Variants in PCDHGA6 observed in about 807,000 individuals in gnomAD.
PCDHGA6 encodes protocadherin gamma subfamily A, 6, also known as protocadherin gamma-A6.
In PCDHGA6, 41 loss-of-function variants were observed where a neutral mutation model predicts 60.6. The ratio of observed to expected loss-of-function variants is 0.68; its 90% confidence interval spans 0.53 to 0.88. The LOEUF is 0.88. Among genes scored for constraint, PCDHGA6 ranks in the 40% least tolerant of loss-of-function variants. PCDHGA6 has a pLI of 0.00. For missense variants in PCDHGA6, 1,312 were observed against 1,203.0 expected, an observed-to-expected ratio of 1.09 and a Z score of -1.34; for synonymous variants, 594 against 524.4, an observed-to-expected ratio of 1.13 and a Z score of -1.81.
At chr5:141,478,189 C>T (rs774322691) in intron 1 of PCDHGA6, 1 of 1,614,020 alleles carries the variant, frequency 6.2e-7, no homozygotes, top group South Asian at 1.1e-5. Context: ...AAAATCTCAC[C>T]TTTTATCTAC....
chr5:141,504,645 T>C (rs1481469819), intron 2 of PCDHGA6, among the ~76,000 whole-genome samples: 2 of 112,538 alleles, frequency 1.8e-5, no homozygotes, highest in Non-Finnish European at 3.4e-5. Context: ...GGTTTGATGA[T>C]AGAGTGTTTG....
chr5:141,395,489 A>C (rs1268928793), intron 1 of PCDHGA6: 1 of 480,438 alleles, frequency 2.1e-6, no homozygotes, highest in Non-Finnish European at 3.6e-6. Flanking sequence ...TCCTATTATC[A>C]CTCATTCACT....
chr5:141,449,067 T>A lies in PCDHGA6; in HGVS notation c.2425-45740T>A, dbSNP rs547833131. On this transcript the variant is annotated intron_variant, in intron 1 of 3. Transcript: ENST00000517434. ...AGTCTCATAAATGAGCGCTATTGAA[T>A]AGCCCTGTACCTACATCAGTTTTTA... Among the ~76,000 whole-genome samples the A allele has an allele frequency of 3.3e-5, 5 of 152,342 alleles. No homozygotes were observed. In the East Asian group the frequency reaches 9.6e-4, roughly 29 times the overall value.
Position 141,432,454 on chromosome 5 carries a change from C to T in PCDHGA6, c.2424+55947C>T, listed in dbSNP as rs751733947. On this transcript the variant is annotated intron_variant, in intron 1 of 3. Coordinates refer to ENST00000517434, the MANE Select transcript of PCDHGA6 (RefSeq NM_018919.3). The surrounding 1 kb of genome is among the most constrained non-coding windows in gnomAD (Gnocchi z 6.0). ...ACAATGCGCCCGAGATCCTGTACCC[C>T]GCCCTCCCCACGGACGGTTCCACTG... 134 of 1,614,108 alleles carry T rather than the reference C, an allele frequency of 8.3e-5. No homozygotes were observed. The highest frequency in any genetic ancestry group is 1.1e-4 in the Non-Finnish European group (133 of 1,180,058).
intron 1 of PCDHGA6, among the ~76,000 whole-genome samples, chr5:141,471,996 G>A (rs2099268647): frequency 6.6e-6 from 1 of 152,006 alleles, no homozygotes; most frequent in Admixed American, 6.6e-5. Context: ...AAAAATCCCT[G>A]CATCGTATAG....
At chr5:141,385,375 T>C (rs1781162127) in intron 1 of PCDHGA6, 2 of 1,523,626 alleles carry the variant, frequency 1.3e-6, no homozygotes, top group South Asian at 1.3e-5. Context: ...GCATGATATT[T>C]CTCTATTATT....
chr5:141,410,142 G>A (rs2095361095), intron 1 of PCDHGA6: 3 of 1,612,612 alleles, frequency 1.9e-6, no homozygotes, highest in East Asian at 2.2e-5. Context: ...GTCGCTGTGC[G>A]TGACGGTGGA....
chr5:141,477,582 A>T lies in PCDHGA6; in HGVS notation c.2425-17225A>T, dbSNP rs567486170. The T allele has an allele frequency of 6.2e-7, 1 of 1,614,190 alleles. No individual in the cohort carries two copies. The highest frequency in any genetic ancestry group is 2.2e-5 in the East Asian group (1 of 44,888). ...GTCTGGGACCCCGACGCCCCGCAGA[A>T]TGCTCGGCTTTCTTTCTTTCTCTTG... On this transcript the variant is annotated intron_variant, in intron 1 of 3. Transcript: ENST00000517434. The surrounding 1 kb of genome is among the most constrained non-coding windows in gnomAD (Gnocchi z 4.9).
chr5:141,475,049 A>G (rs553607902), intron 1 of PCDHGA6, among the ~76,000 whole-genome samples: 81 of 152,346 alleles, frequency 5.3e-4, no homozygotes, highest in African/African-American at 1.8e-3. Context: ...TGTATTTTCT[A>G]AAGATTTGTG....
rs1308593204 is a variant in PCDHGA6 at position 141,375,845 on chromosome 5, G to C, written c.1762G>C (p.Val588Leu). Residue 588 changes from valine to leucine, a missense_variant, in exon 1 of 4, where the codon GTG (valine) becomes CTG (leucine). Transcript: ENST00000517434. Reference sequence around the variant, plus strand: ...CCGCTCCGCAGAGCCCGGCTACCTGGTGACCAAGGTGGTGGCGGTGGACAG... The same window carrying C: ...CCGCTCCGCAGAGCCCGGCTACCTGCTGACCAAGGTGGTGGCGGTGGACAG... ...APRSAEPGYL[V>L]TKVVAVDRDS... 6.2e-7 allele frequency: 1 copy of C among 1,614,076 alleles called. No individual in the cohort carries two copies. Among genetic ancestry groups the C allele is most frequent in the East Asian group, 2.2e-5 (1 of 44,884 alleles).
chr5:141,409,748 G>A (rs2095311209), intron 1 of PCDHGA6: 1 of 1,613,018 alleles, frequency 6.2e-7, no homozygotes, highest in Non-Finnish European at 8.5e-7. Context: ...GGTGGTGTTC[G>A]CGCAGCGCGC....
chr5:141,385,276 A>G (rs1315773619), intron 1 of PCDHGA6: 1 of 1,613,564 alleles, frequency 6.2e-7, no homozygotes, highest in Admixed American at 1.7e-5. Flanking sequence ...TTCTTTGCTA[A>G]CATCCGTAGA....
intron 1 of PCDHGA6, chr5:141,389,160 G>T (rs759399243): frequency 1.2e-6 from 2 of 1,613,996 alleles, no homozygotes; most frequent in Admixed American, 3.3e-5. Flanking sequence ...AACAGATCGG[G>T]GCAAGCCTCC....
At chr5:141,450,551 G>T (rs2098684306) in intron 1 of PCDHGA6, among the ~76,000 whole-genome samples, 1 of 150,822 alleles carries the variant, frequency 6.6e-6, no homozygotes, top group Admixed American at 6.6e-5. Flanking sequence ...CAGTGGCGCA[G>T]TCTCGGCTCA....
intron 2 of PCDHGA6, among the ~76,000 whole-genome samples, chr5:141,502,478 A>G (rs2099814452): frequency 6.6e-6 from 1 of 150,896 alleles, no homozygotes; most frequent in Non-Finnish European, 1.5e-5. Flanking sequence ...CCGCAGCATC[A>G]CACTGGGACT....
intron 1 of PCDHGA6, chr5:141,390,010 T>C: frequency 6.2e-7 from 1 of 1,614,044 alleles, no homozygotes; most frequent in East Asian, 2.2e-5. Context: ...ATTCTGGCCA[T>C]TGCCTTGCGC....
At chr5:141,495,071 C>A (rs1391869079) in intron 2 of PCDHGA6, among the ~76,000 whole-genome samples, 1 of 152,160 alleles carries the variant, frequency 6.6e-6, no homozygotes, top group Non-Finnish European at 1.5e-5. Flanking sequence ...AAGCTCAATT[C>A]ACATGCTTGC....
chr5:141,393,938 C>T lies in PCDHGA6; in HGVS notation c.2424+17431C>T, dbSNP rs537803893. The T allele has an allele frequency of 1.5e-5, 25 of 1,613,934 alleles. No homozygotes were observed. In the African/African-American group the frequency reaches 2.4e-4, roughly 15 times the overall value. ...CCTTCTTGAGTGTGCATGACCAAGA[C>T]TCTGGAAAGAATGGTCAAGTTGTCT... On this transcript the variant is annotated intron_variant, in intron 1 of 3. Transcript: ENST00000517434.
At chr5:141,421,999 T>C in intron 1 of PCDHGA6, 1 of 1,609,214 alleles carries the variant, frequency 6.2e-7, no homozygotes, top group Non-Finnish European at 8.5e-7. Context: ...AAACATCAGC[T>C]CCGGAACTCG....
Sources: gnomAD v4.1 joint callset for allele counts (sites outside exome capture counted in the v4.1 genomes callset) on GRCh38, gnomAD v4.1.1 for gene constraint, Gnocchi (gnomAD v3.1) non-coding constraint, MANE v1.5 for transcripts, NCBI Gene and HGNC (gene_info 2026-07-23, HGNC 2026-07-21) for gene names.